The following BMP8A variants were observed in gnomAD, a reference collection of about 807,000 sequenced individuals.
BMP8A encodes the protein bone morphogenetic protein 8a, also known as BMP-8A.
BMP8A carries 14 observed loss-of-function variants against 36.8 expected under a neutral mutation model. The observed-to-expected ratio is 0.38, with a 90% CI of 0.25 to 0.60. BMP8A has a LOEUF of 0.60. Among genes scored for constraint, BMP8A ranks in the 20% least tolerant of loss-of-function variants. The probability of loss-of-function intolerance (pLI) is 0.63; values close to 1 mark genes in which losing one functional copy is unlikely to be tolerated. For missense variants in BMP8A, 267 were observed against 551.1 expected (o/e 0.48, Z 5.16); for synonymous variants, 120 against 237.7 (o/e 0.50, Z 4.55).
In BMP8A at chr1:39,527,903, C is replaced by A. The variant is rs1480256356; in HGVS notation, c.*2105C>A. Among the ~76,000 whole-genome samples the A allele has an allele frequency of 6.6e-6, 1 of 152,228 alleles. No homozygotes were observed. The highest frequency in any genetic ancestry group is 1.9e-4 in the East Asian group (1 of 5,202). On this transcript the variant is annotated 3_prime_UTR_variant, in exon 7 of 7. Coordinates refer to ENST00000331593, the MANE Select transcript of BMP8A (RefSeq NM_181809.4). The stretch of plus-strand genomic sequence containing the variant: ...CCAGAGAACCCATCTGCCCCCATGA[C>A]CTTCTCCCAGAGCTTGAGACATGGC...
intron 1 of BMP8A, among the ~76,000 whole-genome samples, chr1:39,510,911 A>C (rs564922047): frequency 1.3e-5 from 2 of 152,234 alleles, no homozygotes; most frequent in Admixed American, 1.3e-4. Flanking sequence ...GGAGTTCAGG[A>C]TTTGGAGCCT....
intron 1 of BMP8A, among the ~76,000 whole-genome samples, chr1:39,495,844 CCAGATTGAGAAA>C (rs1645200549): frequency 6.6e-6 from 1 of 152,150 alleles, no homozygotes; most frequent in Non-Finnish European, 1.5e-5. Flanking sequence ...TGCCCATGTT[CCAGATTGAGAAA>C]CTGAGGCATA....
Position 39,525,777 on chromosome 1 carries a change from C to T in BMP8A, c.1188C>T (p.Val396=). 6.2e-7 allele frequency: 1 copy of T among 1,614,152 alleles called. No individual in the cohort carries two copies. The highest frequency in any genetic ancestry group is 8.5e-7 in the Non-Finnish European group (1 of 1,180,032). ...VILRKHRNMV[V]KACGCH is the part of the protein sequence containing the mutation. ...TGCGCAAGCACCGCAACATGGTGGT[C>T]AAGGCCTGCGGCTGCCACTGAGTCA... The change falls in exon 7 of 7, where the codon GTC becomes GTT. Residue 396 remains valine (V), a synonymous_variant. Coordinates refer to ENST00000331593, the MANE Select transcript of BMP8A (RefSeq NM_181809.4).
At chr1:39,522,882 G>A (rs1437045121) in intron 5 of BMP8A, 125 bp from the exon 6 acceptor site, 44 of 981,746 alleles carry the variant, frequency 4.5e-5, no homozygotes, top group Middle Eastern at 3.3e-4. Context: ...CTTTTCCGCC[G>A]GGGGTTCCTG....
chr1:39,517,609 C>T (rs1251859945), intron 3 of BMP8A, among the ~76,000 whole-genome samples: 1 of 152,210 alleles, frequency 6.6e-6, no homozygotes, highest in Non-Finnish European at 1.5e-5. Context: ...AGCCATTGCA[C>T]CCGGCCTTCT....
intron 3 of BMP8A, among the ~76,000 whole-genome samples, chr1:39,520,266 G>A (rs866677810): frequency 0.016 from 2,353 of 145,056 alleles, 10 homozygotes; most frequent in African/African-American, 0.055. Context: ...TCAGCTTCCC[G>A]GGAAGTTCAC....
At chr1:39,522,553 G>A (rs1645436987) in intron 5 of BMP8A, 71 bp downstream of exon 5, 7 of 1,509,142 alleles carry the variant, frequency 4.6e-6, no homozygotes, top group South Asian at 1.3e-5. Context: ...TCTGCAGGGA[G>A]GACATAGAAT....
rs1645500298 is a variant in BMP8A at position 39,527,967 on chromosome 1, C to T, written c.*2169C>T. On this transcript the variant is annotated 3_prime_UTR_variant, in exon 7 of 7. Transcript: ENST00000331593. ...TGCCATAGGACTTGGGGCCTATCTG[C>T]CATTGCAGGACCTGATTTAACAGCT... 6.6e-6 allele frequency among the ~76,000 whole-genome samples: 1 copy of T among 152,228 alleles called. No individual in the cohort carries two copies. Among genetic ancestry groups the T allele is most frequent in the Admixed American group, 6.5e-5 (1 of 15,280 alleles).
intron 3 of BMP8A, among the ~76,000 whole-genome samples, chr1:39,514,700 G>T (rs1645381742): frequency 6.6e-6 from 1 of 152,164 alleles, no homozygotes; most frequent in Non-Finnish European, 1.5e-5. Flanking sequence ...TACTCGCGGA[G>T]CCTGACCTCA....
chr1:39,517,638 A>T (rs1484190727), intron 3 of BMP8A, among the ~76,000 whole-genome samples: 3 of 152,138 alleles, frequency 2.0e-5, no homozygotes, highest in African/African-American at 7.2e-5. Context: ...TTTATCCGTT[A>T]TCTGGTATTT....
chr1:39,495,469 T>C (rs1645197160), intron 1 of BMP8A, among the ~76,000 whole-genome samples: 2 of 145,496 alleles, frequency 1.4e-5, no homozygotes, highest in Non-Finnish European at 3.0e-5. Flanking sequence ...GATGGAGCGG[T>C]TGGATTCTGT....
intron 1 of BMP8A, among the ~76,000 whole-genome samples, chr1:39,498,273 C>T (rs1027450356): frequency 1.3e-5 from 2 of 152,242 alleles, no homozygotes; most frequent in African/African-American, 2.4e-5. Flanking sequence ...ACCCAGCCCC[C>T]CTCCTCCTGG....
In BMP8A at chr1:39,526,270, A is replaced by G. The variant is rs1645482597; in HGVS notation, c.*472A>G. Among the ~76,000 whole-genome samples the G allele has an allele frequency of 6.6e-6, 1 of 151,814 alleles. No homozygotes were observed. The highest frequency in any genetic ancestry group is 1.5e-5 in the Non-Finnish European group (1 of 68,002). Reference sequence around the variant, plus strand: ...CACAGTGTGTTCTGGGATTCTTCTCATTTGGTCCAGGGTGCAGTTAGCATA... The same window carrying G: ...CACAGTGTGTTCTGGGATTCTTCTCGTTTGGTCCAGGGTGCAGTTAGCATA... On this transcript the variant is annotated 3_prime_UTR_variant, in exon 7 of 7. Coordinates refer to ENST00000331593, the MANE Select transcript of BMP8A (RefSeq NM_181809.4).
chr1:39,523,027 A>C lies in BMP8A; in HGVS notation c.969A>C (p.Gln323His). The C allele has an allele frequency of 6.2e-7, 1 of 1,612,724 alleles. No homozygotes were observed. The highest frequency in any genetic ancestry group is 1.7e-4 in the Middle Eastern group (1 of 5,940). ...CCCAGGACTGGGTCATCGCCCCCCA[A>C]GGCTACTCAGCCTATTACTGTGAGG... ...LGWLDWVIAP[Q>H]GYSAYYCEGE... The change falls in exon 6 of 7, where the codon CAA becomes CAC. Residue 323 changes from glutamine (Q) to histidine (H), a missense_variant. Physicochemically the swap from Gln to His is conservative, Grantham distance 24. Coordinates refer to ENST00000331593, the MANE Select transcript of BMP8A (RefSeq NM_181809.4).
intron 6 of BMP8A, 136 bp downstream of exon 6, chr1:39,523,253 C>T (rs917394541): frequency 8.4e-6 from 9 of 1,073,734 alleles, no homozygotes; most frequent in East Asian, 5.0e-5. Context: ...GAGTCAGTAA[C>T]GTCGCTAACT....
intron 3 of BMP8A, among the ~76,000 whole-genome samples, chr1:39,513,281 AC>A (rs1475540306): frequency 6.8e-5 from 6 of 87,732 alleles, no homozygotes; most frequent in African/African-American, 3.4e-4. Flanking sequence ...TACTATCTTT[AC>A]AAAGTTTTAT....
At chr1:39,492,511 G>A (rs1388985584) in intron 1 of BMP8A, among the ~76,000 whole-genome samples, 186 bp downstream of exon 1, 8 of 152,178 alleles carry the variant, frequency 5.3e-5, no homozygotes, top group Non-Finnish European at 1.2e-4. Flanking sequence ...TGGGCTGCGG[G>A]GTGGTCAGGA....
intron 3 of BMP8A, among the ~76,000 whole-genome samples, chr1:39,518,895 G>A (rs1645411693): frequency 1.6e-5 from 2 of 124,626 alleles, no homozygotes; most frequent in Admixed American, 1.7e-4. Context: ...ACCTTGGACA[G>A]TTGCTGCTCT....
chr1:39,517,751 C>T (rs1004063811), intron 3 of BMP8A, among the ~76,000 whole-genome samples: 1 of 152,042 alleles, frequency 6.6e-6, no homozygotes, highest in Non-Finnish European at 1.5e-5. Context: ...TCTAGATGTC[C>T]GTAGAAGGAA....
Sources: allele counts gnomAD v4.1 joint callset (sites outside exome capture counted in the v4.1 genomes callset), GRCh38; gene constraint gnomAD v4.1.1; transcripts MANE v1.5; gene names NCBI Gene and HGNC (gene_info 2026-07-23, HGNC 2026-07-21).